Variants in ADGRF5 observed in about 807,000 individuals in gnomAD.
ADGRF5 encodes adhesion G protein-coupled receptor F5.
Under a neutral mutation model 132.3 loss-of-function variants are expected in ADGRF5, and 75 were observed. The ratio of observed to expected loss-of-function variants is 0.57; its 90% CI spans 0.47 to 0.69. ADGRF5 has a LOEUF of 0.69. Among genes scored for constraint, ADGRF5 ranks in the 30% least tolerant of loss-of-function variants. The pLI, the probability that ADGRF5 is intolerant of heterozygous loss-of-function variation, is 0.00. For synonymous variants in ADGRF5, 629 were observed against 597.6 expected (o/e 1.05, Z -0.77); for missense variants, 1,516 against 1,630.6 (o/e 0.93, Z 1.21).
chr6:46,895,378 C>T (rs981554623), intron 3 of ADGRF5, among the ~76,000 whole-genome samples: 68 of 151,638 alleles, frequency 4.5e-4, no homozygotes, highest in Admixed American at 4.3e-3. Flanking sequence ...CCATCACTGC[C>T]GGCTCAGAGC....
At chr6:46,865,279 T>C in intron 13 of ADGRF5, 82 bp from the exon 14 acceptor site, 2 of 954,068 alleles carry the variant, frequency 2.1e-6, no homozygotes, top group Non-Finnish European at 3.2e-6. Context: ...CTAATATGAA[T>C]AAACCTGTCC....
chr6:46,873,820 A>G (rs1008017721), intron 10 of ADGRF5, among the ~76,000 whole-genome samples: 7 of 152,144 alleles, frequency 4.6e-5, no homozygotes, highest in Non-Finnish European at 7.3e-5. Flanking sequence ...ACATCTTCCA[A>G]TGTGTCCTTT....
At position 46,853,982 on chromosome 6, in the gene ADGRF5, T is replaced by C; in HGVS notation, c.*10A>G. 1 of 1,588,698 alleles carries C rather than the reference T, an allele frequency of 6.3e-7. No homozygotes were observed. Among genetic ancestry groups the C allele is most frequent in the African/African-American group, 1.4e-5 (1 of 73,590 alleles). On this transcript the variant is annotated 3_prime_UTR_variant, in exon 21 of 21. Transcript: ENST00000283296. ...CCCCGGGAGGTCACGTAGGTTGGAT[T>C]ATCCTGTTCTTAGTTGAGCAACGAA...
chr6:46,862,944 C>T lies in ADGRF5; in HGVS notation c.2143G>A (p.Glu715Lys). The change falls in exon 15 of 21, where the codon GAG becomes AAG. Residue 715 changes from glutamate to lysine, a missense_variant. Coordinates refer to ENST00000283296, the MANE Select transcript of ADGRF5 (RefSeq NM_001098518.2). ...TYKCVGSQWE[E>K]KRNDCISAPI... is the part of the protein sequence containing the mutation. ...GCAGAGATGCAGTCATTTCTCTTCT[C>T]CTCCCACTGGGAGCCTACACATTTG... 1.2e-6 allele frequency: 2 copies of T among 1,613,252 alleles called. No individual in the cohort carries two copies. Among genetic ancestry groups the T allele is most frequent in the African/African-American group, 1.3e-5 (1 of 74,810 alleles).
chr6:46,863,268 C>T (rs1206809940), intron 14 of ADGRF5, 172 bp from the exon 15 acceptor site: 4 of 695,046 alleles, frequency 5.8e-6, no homozygotes, highest in Non-Finnish European at 1.0e-5. Context: ...TTCCAAAGCC[C>T]CTCTCTGCTT....
At chr6:46,861,793 C>T (rs1028533537) in intron 15 of ADGRF5, among the ~76,000 whole-genome samples, 2 of 152,156 alleles carry the variant, frequency 1.3e-5, no homozygotes, top group Admixed American at 6.5e-5. Context: ...CAGCATGATC[C>T]TTTTCCATTG....
At chr6:46,936,313 C>T (rs1289840664) in intron 1 of ADGRF5, among the ~76,000 whole-genome samples, 1 of 152,208 alleles carries the variant, frequency 6.6e-6, no homozygotes, top group Non-Finnish European at 1.5e-5. Flanking sequence ...GAGCATTAAA[C>T]TTCAGACTTT....
chr6:46,880,434 C>A (rs1160016532), intron 8 of ADGRF5, among the ~76,000 whole-genome samples: 1 of 151,942 alleles, frequency 6.6e-6, no homozygotes, highest in African/African-American at 2.4e-5. Flanking sequence ...TATCAGTAAC[C>A]AATATCTCAA....
chr6:46,882,330 A>G (rs1208489944), intron 6 of ADGRF5, among the ~76,000 whole-genome samples: 1 of 152,112 alleles, frequency 6.6e-6, no homozygotes, highest in East Asian at 1.9e-4. Context: ...CAAAAAATTT[A>G]CTCAGGGAAA....
At chr6:46,866,762 C>T (rs751791261) in intron 13 of ADGRF5, among the ~76,000 whole-genome samples, 163 bp downstream of exon 13, 1 of 152,054 alleles carries the variant, frequency 6.6e-6, no homozygotes, top group Non-Finnish European at 1.5e-5. Context: ...GAACCACTAG[C>T]CACATAGCAA....
At chr6:46,940,249 GC>G (rs1266694926) in intron 1 of ADGRF5, among the ~76,000 whole-genome samples, 3 of 152,154 alleles carry the variant, frequency 2.0e-5, no homozygotes, top group African/African-American at 7.2e-5. Context: ...GATTAATTGA[GC>G]CACTTGCTAT....
In ADGRF5 at chr6:46,871,950, T is replaced by C; in HGVS notation, c.1304A>G (p.Gln435Arg). ...TGTTCCAGACGACCCGCTTGGGCAC[T>C]GGGTTCCATCAGCCTTGAGGGTGTA... ...SRYTLKADGT[Q>R]CPSGSSGTTV... Residue 435 changes from glutamine (Q) to arginine (R), a missense_variant, in exon 11 of 21, where the codon CAG becomes CGG. Around this residue, in one of 2 missense-constraint regions of ADGRF5, gnomAD observed 945 missense variants for 929.4 expected, o/e 1.02. Coordinates refer to ENST00000283296, the MANE Select transcript of ADGRF5 (RefSeq NM_001098518.2). 1 of 1,613,560 alleles carries C rather than the reference T, an allele frequency of 6.2e-7. No individual in the cohort carries two copies. The highest frequency in any genetic ancestry group is 8.5e-7 in the Non-Finnish European group (1 of 1,179,582).
intron 13 of ADGRF5, among the ~76,000 whole-genome samples, chr6:46,865,791 T>C (rs1770345928): frequency 6.6e-6 from 1 of 152,240 alleles, no homozygotes; most frequent in African/African-American, 2.4e-5. Context: ...CTTCTACTGT[T>C]TTTTTAGTCT....
rs562739561 is a variant in ADGRF5 at position 46,853,930 on chromosome 6, A to G, written c.*62T>C. On this transcript the variant is annotated 3_prime_UTR_variant, in exon 21 of 21. Transcript: ENST00000283296. ...ACACGTTCCCCATTGCTTTGCAAGC[A>G]TCTCTTTTTAAAAGCACAGCCACTG... 7 of 1,150,900 alleles carry G rather than the reference A, an allele frequency of 6.1e-6. 1 individual carries two copies. In the South Asian group the frequency reaches 9.6e-5, roughly 16 times the overall value. The allele number at this position is 1,150,900 out of a possible 1,614,324, so 71.3% of individuals were successfully genotyped here.
intron 6 of ADGRF5, 152 bp from the exon 7 acceptor site, chr6:46,882,259 A>T: frequency 1.4e-6 from 1 of 698,948 alleles, no homozygotes; most frequent in Non-Finnish European, 2.6e-6. Context: ...TAGATTTCTG[A>T]AGAAGTAATT....
Position 46,868,943 on chromosome 6 carries a change from T to G in ADGRF5, c.1561A>C (p.Arg521=). ...KIYQRFYTTR[R]YLDGAESVLT... ...ACTGATTCTGCTCCATCAAGATACC[T>G]CCTCGTGGTATAAAATCTTTGGTAT... is the stretch of plus-strand genomic sequence containing the variant. The change falls in exon 12 of 21, where the codon AGG becomes CGG. Residue 521 remains arginine (R), a synonymous_variant. Transcript: ENST00000283296. 1 of 1,613,264 alleles carries G rather than the reference T, an allele frequency of 6.2e-7. No individual in the cohort carries two copies. Among genetic ancestry groups the G allele is most frequent in the South Asian group, 1.1e-5 (1 of 91,062 alleles).
chr6:46,948,243 C>T lies in ADGRF5; in HGVS notation c.-25+6491G>A, dbSNP rs1039708589. 2.0e-5 allele frequency among the ~76,000 whole-genome samples: 3 copies of T among 152,100 alleles called. No homozygotes were observed. The South Asian group carries it at 6.2e-4, about 32-fold the overall frequency. On this transcript the variant is annotated intron_variant, in intron 1 of 20. Transcript: ENST00000265417. ...GGAGACTTGACAGTAAATATTTGTG[C>T]ACAAGTTTCTTGTAAGAAGCTCAAA...
intron 1 of ADGRF5, among the ~76,000 whole-genome samples, chr6:46,939,664 T>C (rs1777979350): frequency 2.0e-5 from 3 of 152,210 alleles, no homozygotes; most frequent in Admixed American, 2.0e-4. Context: ...GGTTGAATTT[T>C]GTTTGTGAGG....
intron 11 of ADGRF5, among the ~76,000 whole-genome samples, chr6:46,871,568 C>A (rs572370707): frequency 6.6e-6 from 1 of 152,134 alleles, no homozygotes; most frequent in South Asian, 2.1e-4. Context: ...ACTTCCCACT[C>A]CACCTCCTGC....
Sources: allele counts gnomAD v4.1 joint callset (sites outside exome capture counted in the v4.1 genomes callset), GRCh38; gene constraint gnomAD v4.1.1; regional missense constraint gnomAD v4.1.1; transcripts MANE v1.5; gene names NCBI Gene and HGNC (gene_info 2026-07-23, HGNC 2026-07-21).